The following FYB1 variants were observed in gnomAD, a reference collection of about 807,000 sequenced individuals.
FYB1 encodes the protein FYN-binding protein 1.
FYB1 carries 41 observed loss-of-function variants against 94.1 expected under a neutral mutation model. The observed-to-expected ratio is 0.44, with a 90% CI of 0.34 to 0.57. FYB1 has a LOEUF of 0.57. FYB1 is among the 20% of genes least tolerant of loss of function. The pLI, the probability that FYB1 is intolerant of heterozygous loss-of-function variation, is 0.02. For missense variants in FYB1, 1,050 were observed against 976.8 expected (o/e 1.07, Z -1.00); for synonymous variants, 367 against 353.2 (o/e 1.04, Z -0.44).
intron 2 of FYB1, among the ~76,000 whole-genome samples, chr5:39,189,073 G>A (rs1747116273): frequency 6.6e-6 from 1 of 152,000 alleles, no homozygotes; most frequent in South Asian, 2.1e-4. Context: ...TATCTGTCCT[G>A]GTCATCTTTC....
chr5:39,145,980 G>A (rs949227753), intron 3 of FYB1, among the ~76,000 whole-genome samples: 4 of 150,646 alleles, frequency 2.7e-5, no homozygotes, highest in Non-Finnish European at 4.4e-5. Context: ...TGGTGCAAAC[G>A]TGGCTCGCTG....
At chr5:39,171,780 G>A (rs1234279854) in intron 2 of FYB1, among the ~76,000 whole-genome samples, 2 of 152,150 alleles carry the variant, frequency 1.3e-5, no homozygotes. Context: ...CATTGTCTGA[G>A]AGTTCCTTCT....
chr5:39,246,177 AGG>A (rs1751471145), intron 1 of FYB1, among the ~76,000 whole-genome samples: 1 of 152,080 alleles, frequency 6.6e-6, no homozygotes, highest in Admixed American at 6.5e-5. Flanking sequence ...GAAAACCCTA[AGG>A]AAGTAGGGGA....
At chr5:39,156,318 A>G (rs1374050836) in intron 2 of FYB1, among the ~76,000 whole-genome samples, 1 of 152,154 alleles carries the variant, frequency 6.6e-6, no homozygotes, top group Non-Finnish European at 1.5e-5. Flanking sequence ...TGAGAAACCC[A>G]GGAAGGGGTG....
intron 2 of FYB1, among the ~76,000 whole-genome samples, chr5:39,170,513 G>T (rs2150397358): frequency 6.6e-6 from 1 of 152,150 alleles, no homozygotes; most frequent in Middle Eastern, 3.4e-3. Context: ...CCCCATTAAT[G>T]CTACAGCTGA....
intron 2 of FYB1, among the ~76,000 whole-genome samples, chr5:39,185,605 TACAC>T (rs1194146240): frequency 1.2e-4 from 18 of 145,256 alleles, no homozygotes; most frequent in African/African-American, 4.6e-4. Context: ...TACATATATA[TACAC>T]ATATATATAT....
chr5:39,119,620 A>G lies in FYB1; in HGVS notation c.2153T>C (p.Val718Ala), dbSNP rs372533033. 8.4e-6 allele frequency: 13 copies of G among 1,541,498 alleles called. No homozygotes were observed. The African/African-American group carries it at 1.8e-4, about 21-fold the overall frequency. The change falls in exon 15 of 19, where the codon GTT becomes GCT. Residue 718 changes from valine to alanine, a missense_variant. Transcript: ENST00000512982. ...CTTTTCTTCTGTCTTAGCTTTTCCA[A>G]CATTAGTTCCTTGACTAGAACGGCA... Reference protein sequence around the residue: ...SSAEMSQGTNVGKAKTEEKDL... With the variant: ...SSAEMSQGTNAGKAKTEEKDL...
chr5:39,232,094 T>C (rs987269197), intron 1 of FYB1, among the ~76,000 whole-genome samples: 1 of 152,112 alleles, frequency 6.6e-6, no homozygotes, highest in Non-Finnish European at 1.5e-5. Context: ...AATGGTGAAC[T>C]TTCTCTGAAC....
At chr5:39,239,965 T>C (rs1022397255) in intron 1 of FYB1, among the ~76,000 whole-genome samples, 19 of 152,162 alleles carry the variant, frequency 1.2e-4, no homozygotes, top group Non-Finnish European at 2.5e-4. Flanking sequence ...TTTGAGTCTG[T>C]ACAAAAACAG....
chr5:39,203,069 C>T, intron 1 of FYB1, 82 bp from the exon 2 acceptor site: 2 of 1,267,152 alleles, frequency 1.6e-6, no homozygotes, highest in Non-Finnish European at 2.2e-6. Flanking sequence ...TACAGAGCTT[C>T]CTGGTTTGAG....
chr5:39,209,421 G>A (rs1450531228), intron 1 of FYB1, among the ~76,000 whole-genome samples: 1 of 151,798 alleles, frequency 6.6e-6, no homozygotes, highest in Non-Finnish European at 1.5e-5. Context: ...CTGCCTCCTG[G>A]GTTCAAGCGA....
intron 1 of FYB1, among the ~76,000 whole-genome samples, chr5:39,233,174 G>C (rs966957470): frequency 1.3e-5 from 2 of 152,100 alleles, no homozygotes; most frequent in African/African-American, 4.8e-5. Flanking sequence ...ATTTTAAAAA[G>C]TTTGCATGCA....
At chr5:39,187,427 C>T (rs775787865) in intron 2 of FYB1, among the ~76,000 whole-genome samples, 7 of 152,144 alleles carry the variant, frequency 4.6e-5, no homozygotes, top group Non-Finnish European at 8.8e-5. Context: ...ACCGTATAAG[C>T]CTATTTTGAA....
chr5:39,186,927 C>A (rs976656835), intron 2 of FYB1, among the ~76,000 whole-genome samples: 1 of 152,044 alleles, frequency 6.6e-6, no homozygotes, highest in African/African-American at 2.4e-5. Context: ...CTAAAAGAGG[C>A]CGAGAACCCT....
intron 1 of FYB1, among the ~76,000 whole-genome samples, chr5:39,261,898 G>A (rs1360364307): frequency 6.6e-6 from 1 of 152,046 alleles, no homozygotes; most frequent in Non-Finnish European, 1.5e-5. Context: ...AAGTGATGGG[G>A]GAAAAGAACA....
chr5:39,238,212 A>ATG (rs1243377402), intron 1 of FYB1, among the ~76,000 whole-genome samples: 3 of 151,986 alleles, frequency 2.0e-5, no homozygotes, highest in Non-Finnish European at 2.9e-5. Flanking sequence ...CTGCATGTAT[A>ATG]TGTGTGTATA....
In FYB1 at chr5:39,273,233, G is replaced by T. The variant is rs181605426; in HGVS notation, c.-28+1170C>A. On this transcript the variant is annotated intron_variant, in intron 1 of 1. Coordinates refer to the FYB1 transcript ENST00000510188. ...AAGGTGGGGAAAAGATTGAGAAATC[G>T]GATGGTTGCTGTGTCTGTGTAGAAA... is the stretch of plus-strand genomic sequence containing the variant. Among the ~76,000 whole-genome samples the T allele has an allele frequency of 6.0e-4, 91 of 152,310 alleles. No homozygotes were observed. In the Middle Eastern group the frequency reaches 0.01, roughly 17 times the overall value.
intron 2 of FYB1, among the ~76,000 whole-genome samples, chr5:39,163,801 T>C (rs7724197): frequency 0.81 from 123,008 of 152,074 alleles, 52,191 homozygotes; most frequent in Non-Finnish European, 0.94. Context: ...TTACAGGGTG[T>C]CTCTTCCCTC....
chr5:39,147,521 T>C (rs1742778351), intron 3 of FYB1, among the ~76,000 whole-genome samples: 1 of 151,242 alleles, frequency 6.6e-6, no homozygotes, highest in African/African-American at 2.4e-5. Flanking sequence ...AAATACAATA[T>C]AACTTTGGCC....
Sources: gnomAD v4.1 joint callset for allele counts (sites outside exome capture counted in the v4.1 genomes callset) on GRCh38, gnomAD v4.1.1 for gene constraint, MANE v1.5 for transcripts, NCBI Gene and HGNC (gene_info 2026-07-23, HGNC 2026-07-21) for gene names.